ZBTB20: variants seen among roughly 807,000 people sequenced by gnomAD.
ZBTB20 encodes the protein zinc finger and BTB domain-containing protein 20.
Under a neutral mutation model 56.9 loss-of-function variants are expected in ZBTB20, and 9 were observed. The observed-to-expected ratio is 0.16, with a 90% CI of 0.10 to 0.28. ZBTB20 has a LOEUF of 0.28. Among genes scored for constraint, ZBTB20 ranks in the 10% least tolerant of loss-of-function variants. The pLI is 1.00. For missense variants in ZBTB20, 655 were observed against 1,003.0 expected (o/e 0.65, Z 4.69); for synonymous variants, 417 against 420.7 (o/e 0.99, Z 0.11).
At chr3:114,724,590 C>A (rs1419937806) in intron 5 of ZBTB20, among the ~76,000 whole-genome samples, 1 of 152,138 alleles carries the variant, frequency 6.6e-6, no homozygotes, top group African/African-American at 2.4e-5. Context: ...CCTTAATTAT[C>A]CCTTCTTTAA....
chr3:114,856,276 T>C (rs1380310206), intron 4 of ZBTB20, among the ~76,000 whole-genome samples: 1 of 152,222 alleles, frequency 6.6e-6, no homozygotes, highest in Non-Finnish European at 1.5e-5. Context: ...ATGCCAGTTC[T>C]GAGGTAGTAT....
chr3:114,687,623 A>T (rs934106019), intron 6 of ZBTB20: 1 of 151,598 alleles, frequency 6.6e-6, no homozygotes, highest in Non-Finnish European at 1.5e-5. Context: ...AAAAAAAAAA[A>T]AAAGAAAGAA....
intron 3 of ZBTB20, among the ~76,000 whole-genome samples, chr3:114,946,079 C>T (rs1024822444): frequency 6.9e-6 from 1 of 145,534 alleles, no homozygotes; most frequent in African/African-American, 2.8e-5. Context: ...AAAATTTTGA[C>T]ATATTTCTCT....
chr3:114,503,796 T>C (rs1414714995), intron 6 of ZBTB20, among the ~76,000 whole-genome samples: 1 of 152,200 alleles, frequency 6.6e-6, no homozygotes, highest in African/African-American at 2.4e-5. Context: ...GAAATTATTA[T>C]ATAGTGTCAA....
intron 1 of ZBTB20, among the ~76,000 whole-genome samples, chr3:115,111,862 A>G (rs1384978009): frequency 3.9e-5 from 6 of 152,186 alleles, no homozygotes; most frequent in Admixed American, 3.9e-4. Flanking sequence ...CTGTAAATAC[A>G]GTGTGTATTC....
chr3:114,350,969 G>T lies in ZBTB20; in HGVS notation c.1109C>A (p.Pro370His). 1 of 1,607,700 alleles carries T rather than the reference G, an allele frequency of 6.2e-7. No homozygotes were observed. ...GCCCGAGTCGAAGCTTTCACCTTTG[G>T]GCTCACTCTCGGTGCCCTCGGCCTG... ...TDQAEGTESE[P>H]KGESFDSGVS... Residue 370 changes from proline to histidine, a missense_variant, in exon 11 of 12, where the codon CCC (proline) becomes CAC (histidine). By Grantham distance (77) the Pro-to-His change is moderately conservative (BLOSUM62 -2). This residue lies in a region of ZBTB20 where 156 missense variants were observed against 181.0 expected (regional missense o/e 0.86). Transcript: ENST00000675478.
At chr3:114,868,345 A>G (rs1327232769) in intron 4 of ZBTB20, among the ~76,000 whole-genome samples, 3 of 152,034 alleles carry the variant, frequency 2.0e-5, no homozygotes, top group East Asian at 3.8e-4. Context: ...CCCAAACAAA[A>G]CCAACAGCTT....
intron 6 of ZBTB20, among the ~76,000 whole-genome samples, chr3:114,587,433 TG>T (rs1320308874): frequency 1.7e-4 from 26 of 152,160 alleles, no homozygotes; most frequent in Non-Finnish European, 2.8e-4. Context: ...TGATGTAAAG[TG>T]AAGCAGAGCT....
intron 2 of ZBTB20, among the ~76,000 whole-genome samples, chr3:115,056,502 A>G (rs2081788573): frequency 6.6e-6 from 1 of 152,172 alleles, no homozygotes; most frequent in Non-Finnish European, 1.5e-5. Flanking sequence ...ACACTGATAC[A>G]CATAAATACT....
intron 5 of ZBTB20, among the ~76,000 whole-genome samples, chr3:114,698,282 G>GAAAACAGACAT (rs1369474505): frequency 1.1e-4 from 17 of 151,934 alleles, no homozygotes; most frequent in African/African-American, 3.1e-4. Context: ...CAAATTGTTT[G>GAAAACAGACAT]GCTGAACAAA....
At chr3:114,797,487 A>T (rs557276388) in intron 5 of ZBTB20, among the ~76,000 whole-genome samples, 1 of 152,072 alleles carries the variant, frequency 6.6e-6, no homozygotes, top group East Asian at 1.9e-4. Context: ...CTAGAAAAAA[A>T]TGATAACCAT....
intron 6 of ZBTB20, among the ~76,000 whole-genome samples, chr3:114,524,934 G>A (rs2047044788): frequency 1.3e-5 from 2 of 152,048 alleles, no homozygotes; most frequent in African/African-American, 2.4e-5. Flanking sequence ...GGCTGGTCTC[G>A]AACTCCTGAC....
chr3:114,822,905 G>A (rs1248849446), intron 4 of ZBTB20, among the ~76,000 whole-genome samples: 1 of 152,010 alleles, frequency 6.6e-6, no homozygotes, highest in East Asian at 1.9e-4. Context: ...CGTTGTCTTT[G>A]ATGTTATGAA....
In ZBTB20 at chr3:114,755,388, A is replaced by G. The variant is rs539226503; in HGVS notation, c.-343+45713T>C. ...GAAATGACTCTTTTTAAAACTTCAA[A>G]GAGACTGACAATCTGCTTAAAGTAA... On this transcript the variant is annotated intron_variant, in intron 5 of 11. Transcript: ENST00000675478. Among the ~76,000 whole-genome samples the G allele has an allele frequency of 5.9e-5, 9 of 152,288 alleles. No individual in the cohort carries two copies. The South Asian group carries it at 1.9e-3, about 32-fold the overall frequency.
At chr3:114,490,531 C>T (rs899200394) in intron 7 of ZBTB20, among the ~76,000 whole-genome samples, 2 of 151,986 alleles carry the variant, frequency 1.3e-5, no homozygotes, top group Non-Finnish European at 2.9e-5. Context: ...CGCTTCCTTC[C>T]TCTTCTTTCC....
At chr3:114,961,868 G>A (rs925598629) in intron 3 of ZBTB20, among the ~76,000 whole-genome samples, 1 of 152,024 alleles carries the variant, frequency 6.6e-6, no homozygotes, top group South Asian at 2.1e-4. Flanking sequence ...CTATTGTTAT[G>A]GTTATTTCAT....
intron 6 of ZBTB20, among the ~76,000 whole-genome samples, chr3:114,612,001 T>C (rs1421810875): frequency 6.6e-6 from 1 of 152,244 alleles, no homozygotes; most frequent in East Asian, 1.9e-4. Context: ...TTCAATAACA[T>C]GGCTCTCATT....
intron 1 of ZBTB20, among the ~76,000 whole-genome samples, chr3:115,118,708 T>TG (rs2084093496): frequency 7.8e-6 from 1 of 128,562 alleles, no homozygotes; most frequent in Non-Finnish European, 1.6e-5. Context: ...TACAAATTTT[T>TG]TTTTTTTTTT....
At chr3:114,524,149 A>G (rs190560437) in intron 6 of ZBTB20, among the ~76,000 whole-genome samples, 5 of 152,340 alleles carry the variant, frequency 3.3e-5, no homozygotes, top group East Asian at 1.9e-4. Context: ...AAGTGAGCAT[A>G]TGAGAAGCTA....
Sources: allele counts gnomAD v4.1 joint callset (sites outside exome capture counted in the v4.1 genomes callset), GRCh38; gene constraint gnomAD v4.1.1; regional missense constraint gnomAD v4.1.1; transcripts MANE v1.5; gene names NCBI Gene and HGNC (gene_info 2026-07-23, HGNC 2026-07-21).